The following SSH2 variants were observed in gnomAD, a reference collection of about 807,000 sequenced individuals.
SSH2 encodes the protein slingshot protein phosphatase 2.
SSH2 carries 37 observed loss-of-function variants against 135.2 expected under a neutral mutation model. The ratio of observed to expected loss-of-function variants is 0.27; its 90% CI spans 0.21 to 0.36. The LOEUF (loss-of-function observed/expected upper bound fraction) is 0.36. Among genes scored for constraint, SSH2 ranks in the 10% least tolerant of loss-of-function variants. SSH2 has a pLI of 1.00. For missense variants in SSH2, 1,408 were observed against 1,765.3 expected, an observed-to-expected ratio of 0.80 and a Z score of 3.63; for synonymous variants, 628 against 646.2, an observed-to-expected ratio of 0.97 and a Z score of 0.43.
In SSH2 at chr17:29,917,204, G is replaced by GA. The variant is rs535506457; in HGVS notation, c.63+12733dup. On this transcript the variant is annotated intron_variant, in intron 1 of 15. Coordinates refer to ENST00000540801, the MANE Select transcript of SSH2 (RefSeq NM_001282129.2). Reference sequence around the variant, plus strand: ...AGTATCTTATAATAATCATTCAGTAGAAAAAAAAACTGGCTTCTAATTATA... The same window carrying GA: ...AGTATCTTATAATAATCATTCAGTAGAAAAAAAAAACTGGCTTCTAATTATA... Among the ~76,000 whole-genome samples the GA allele has an allele frequency of 1.6e-3, 237 of 150,154 alleles. 2 individuals are homozygous for GA. The highest frequency in any genetic ancestry group is 5.2e-3 in the African/African-American group (212 of 40,962).
chr17:29,700,699 C>T (rs2038938489), intron 4 of SSH2, among the ~76,000 whole-genome samples: 1 of 152,198 alleles, frequency 6.6e-6, no homozygotes, highest in Admixed American at 6.5e-5. Flanking sequence ...CATTCCCCTC[C>T]TCATACCATC....
chr17:29,814,130 CAAAA>C (rs1402714927), intron 2 of SSH2, among the ~76,000 whole-genome samples: 2 of 21,140 alleles, frequency 9.5e-5, no homozygotes, highest in African/African-American at 1.9e-4. Context: ...GACTTCGTCT[CAAAA>C]AAAAAAAAAA....
At chr17:29,834,409 C>T (rs1298434320) in intron 2 of SSH2, among the ~76,000 whole-genome samples, 1 of 152,038 alleles carries the variant, frequency 6.6e-6, no homozygotes, top group Non-Finnish European at 1.5e-5. Context: ...TATCAAAATA[C>T]CTCATTTATC....
chr17:29,762,628 T>C (rs114793963), intron 3 of SSH2, among the ~76,000 whole-genome samples: 2,034 of 152,290 alleles, frequency 0.013, 41 homozygotes, highest in African/African-American at 0.047. Flanking sequence ...GCCTTTACAG[T>C]TTTAAGCCCT....
intron 1 of SSH2, among the ~76,000 whole-genome samples, chr17:29,865,814 G>A (rs1173285132): frequency 1.3e-5 from 2 of 152,076 alleles, no homozygotes; most frequent in South Asian, 2.1e-4. Context: ...AGAAATGAGG[G>A]AGCAGGCTGG....
chr17:29,844,691 C>T (rs1285285151), intron 2 of SSH2, among the ~76,000 whole-genome samples: 1 of 152,210 alleles, frequency 6.6e-6, no homozygotes, highest in Admixed American at 6.5e-5. Flanking sequence ...ATCCTCTCCC[C>T]ATTATGGAGA....
intron 11 of SSH2, among the ~76,000 whole-genome samples, chr17:29,661,932 A>G (rs1407542481): frequency 6.6e-6 from 1 of 152,152 alleles, no homozygotes; most frequent in East Asian, 1.9e-4. Context: ...TTCAGTTTGA[A>G]AGACCTAGAG....
chr17:29,661,097 CATTTTCTCT>C, intron 11 of SSH2, among the ~76,000 whole-genome samples: 1 of 149,450 alleles, frequency 6.7e-6, no homozygotes, highest in Non-Finnish European at 1.5e-5. Context: ...AGCAAATACT[CATTTTCTCT>C]ATTTCCTCAT....
intron 3 of SSH2, among the ~76,000 whole-genome samples, chr17:29,727,621 G>T (rs547276574): frequency 6.6e-6 from 1 of 152,224 alleles, no homozygotes; most frequent in African/African-American, 2.4e-5. Flanking sequence ...CCACAGAAAA[G>T]CTGTCATATT....
chr17:29,861,779 G>A (rs944882584), intron 1 of SSH2, among the ~76,000 whole-genome samples: 2 of 152,118 alleles, frequency 1.3e-5, no homozygotes, highest in Admixed American at 1.3e-4. Context: ...GGCTGGTCTT[G>A]AACTCCTGAC....
chr17:29,885,489 G>A (rs531749362), intron 1 of SSH2, among the ~76,000 whole-genome samples: 1 of 152,026 alleles, frequency 6.6e-6, no homozygotes, highest in Admixed American at 6.6e-5. Context: ...CTGGCCCCTA[G>A]ATAGCTTTAG....
At chr17:29,763,152 A>G (rs1468907391) in intron 3 of SSH2, among the ~76,000 whole-genome samples, 2 of 152,188 alleles carry the variant, frequency 1.3e-5, no homozygotes, top group African/African-American at 2.4e-5. Context: ...ATTCTTCTAT[A>G]AAACTTAAGC....
chr17:29,723,773 AC>A (rs2151172256), intron 3 of SSH2, among the ~76,000 whole-genome samples: 1 of 152,286 alleles, frequency 6.6e-6, no homozygotes, highest in South Asian at 2.1e-4. Context: ...CATACAAACC[AC>A]AGGAAAGGCC....
intron 6 of SSH2, 134 bp downstream of exon 6, chr17:29,684,429 A>G (rs2151077285): frequency 1.3e-6 from 1 of 789,248 alleles, no homozygotes; most frequent in Non-Finnish European, 1.9e-6. Flanking sequence ...GTGAGCCGAG[A>G]TTGAGCCACT....
chr17:29,643,253 G>C, intron 14 of SSH2: 3 of 985,236 alleles, frequency 3.0e-6, no homozygotes, highest in Non-Finnish European at 3.6e-6. Context: ...CAAGTACCAA[G>C]GTGTCCTAAT....
At chr17:29,650,411 TTTTC>T (rs2036540153) in intron 13 of SSH2, among the ~76,000 whole-genome samples, 1 of 152,240 alleles carries the variant, frequency 6.6e-6, no homozygotes, top group Non-Finnish European at 1.5e-5. Flanking sequence ...TTTAAGTCTA[TTTTC>T]TTTAATTCTG....
intron 1 of SSH2, chr17:29,866,167 T>C (rs1006100077): frequency 6.6e-6 from 1 of 151,940 alleles, no homozygotes; most frequent in Middle Eastern, 3.4e-3. Flanking sequence ...TGGAAGAATT[T>C]GAAACCAGTT....
intron 2 of SSH2, among the ~76,000 whole-genome samples, chr17:29,834,450 T>G (rs1161183695): frequency 1.3e-5 from 2 of 152,126 alleles, no homozygotes; most frequent in Non-Finnish European, 2.9e-5. Context: ...TATGTATACA[T>G]AAATATTAAA....
chr17:29,754,574 C>G lies in SSH2; in HGVS notation c.188+39320G>C, dbSNP rs1045167564. Among the ~76,000 whole-genome samples, 9 of 152,164 alleles carry G rather than the reference C, an allele frequency of 5.9e-5. No homozygotes were observed. The East Asian group carries it at 1.4e-3, about 23-fold the overall frequency. ...AAGTATATAAAAAGCTTAAGATAAC[C>G]TCAACAGCAAATCAAGCAATGTTTC... On this transcript the variant is annotated intron_variant, in intron 3 of 15. Coordinates refer to ENST00000540801, the MANE Select transcript of SSH2 (RefSeq NM_001282129.2).
Sources: gnomAD v4.1 joint callset for allele counts (sites outside exome capture counted in the v4.1 genomes callset) on GRCh38, gnomAD v4.1.1 for gene constraint, MANE v1.5 for transcripts, NCBI Gene and HGNC (gene_info 2026-07-23, HGNC 2026-07-21) for gene names.